PLA2G4D: variants seen among roughly 807,000 people sequenced by gnomAD.
The protein encoded by PLA2G4D is cytosolic phospholipase A2 delta.
A neutral mutation model predicts 94.4 loss-of-function variants in PLA2G4D; 80 were observed. The observed-to-expected ratio is 0.85, with a 90% CI of 0.71 to 1.02. The LOEUF is 1.02. PLA2G4D is among the 50% of genes least tolerant of loss of function. The pLI is 0.00. For synonymous variants in PLA2G4D, 438 were observed against 440.9 expected, an observed-to-expected ratio of 0.99 and a Z score of 0.08; for missense variants, 1,050 against 1,034.7, an observed-to-expected ratio of 1.01 and a Z score of -0.20.
chr15:42,082,473 C>T, intron 8 of PLA2G4D, 84 bp from the exon 9 acceptor site: 1 of 879,888 alleles, frequency 1.1e-6, no homozygotes, highest in Non-Finnish European at 1.9e-6. Context: ...CAGACAGACA[C>T]ATTCTCCCTG....
chr15:42,089,974 A>T lies in PLA2G4D; in HGVS notation c.46-2274T>A, dbSNP rs531301654. Among the ~76,000 whole-genome samples the T allele has an allele frequency of 2.6e-5, 4 of 152,316 alleles. No individual in the cohort carries two copies. The East Asian group carries it at 7.7e-4, about 29-fold the overall frequency. On this transcript the variant is annotated intron_variant, in intron 1 of 19. Coordinates refer to ENST00000290472, the MANE Select transcript of PLA2G4D (RefSeq NM_178034.4). ...GGCAGGTTATTTTCCCTAGAGAAAAATCCCGATTCTCTTCACCTCTAAGAT... is the reference window on the plus strand; with the variant it reads ...GGCAGGTTATTTTCCCTAGAGAAAATTCCCGATTCTCTTCACCTCTAAGAT...
intron 1 of PLA2G4D, 81 bp from the exon 2 acceptor site, chr15:42,087,781 C>T: frequency 1.4e-6 from 2 of 1,408,364 alleles, no homozygotes; most frequent in Non-Finnish European, 2.0e-6. Context: ...TGCCGACACC[C>T]CTCACCACTC....
chr15:42,075,082 C>A (rs1189638828), intron 13 of PLA2G4D, among the ~76,000 whole-genome samples: 1 of 152,166 alleles, frequency 6.6e-6, no homozygotes, highest in African/African-American at 2.4e-5. Flanking sequence ...CACCACCATG[C>A]CCAGCTAATT....
At chr15:42,071,712 C>A in intron 15 of PLA2G4D, 62 bp downstream of exon 15, 1 of 1,596,082 alleles carries the variant, frequency 6.3e-7, no homozygotes. Context: ...AGCTACAGGA[C>A]CCATGTCCAT....
intron 13 of PLA2G4D, among the ~76,000 whole-genome samples, chr15:42,075,083 C>T (rs1369272766): frequency 6.6e-6 from 1 of 152,082 alleles, no homozygotes. Flanking sequence ...ACCACCATGC[C>T]CAGCTAATTT....
chr15:42,070,113 G>GC lies in PLA2G4D; in HGVS notation c.2044-19dup. On this transcript the variant is annotated intron_variant, in intron 18 of 19. Transcript: ENST00000290472. ...TGCAGTGCCTGGTGGGGAGAAGGTG[G>GC]CCCGGAGAGAACCAGCCCGGCCCAG... is the stretch of plus-strand genomic sequence containing the variant. 1.3e-6 allele frequency: 2 copies of GC among 1,482,158 alleles called. No homozygotes were observed. The highest frequency in any genetic ancestry group is 1.8e-6 in the Non-Finnish European group (2 of 1,122,698). The allele number at this position is 1,482,158 out of a possible 1,614,324, so 91.8% of individuals were successfully genotyped here.
At chr15:42,085,645 T>A in intron 4 of PLA2G4D, 114 bp from the exon 5 acceptor site, 1 of 1,006,530 alleles carries the variant, frequency 9.9e-7, no homozygotes, top group Non-Finnish European at 1.5e-6. Context: ...GGGAGGCACG[T>A]TAGTACAATT....
At position 42,070,025 on chromosome 15, in the gene PLA2G4D, T is replaced by C. The variant is rs777793163; in HGVS notation, c.2114A>G (p.Gln705Arg). The change falls in exon 19 of 20, where the codon CAG becomes CGG. Residue 705 changes from glutamine (Q) to arginine (R), a missense_variant. Gln to Arg is a conservative substitution (Grantham distance 43). Transcript: ENST00000290472. ...LPFPRVEPSP[Q>R]DQHQPRECHL... The stretch of plus-strand genomic sequence containing the variant: ...GCATTCCCTTGGCTGGTGCTGGTCC[T>C]GAGGGCTGGGTTCCACCCGGGGGAA... 13 of 1,516,086 alleles carry C rather than the reference T, an allele frequency of 8.6e-6. No homozygotes were observed. The highest frequency in any genetic ancestry group is 9.7e-6 in the Non-Finnish European group (11 of 1,132,890). The allele number at this position is 1,516,086 out of a possible 1,614,324, so 93.9% of individuals were successfully genotyped here. A position where few individuals can be genotyped will look rare whatever the true frequency, so the allele number is the denominator to read the frequency against.
chr15:42,073,602 G>C (rs955803976), intron 13 of PLA2G4D, among the ~76,000 whole-genome samples: 1 of 152,186 alleles, frequency 6.6e-6, no homozygotes, highest in African/African-American at 2.4e-5. Context: ...TCTAGTTCTA[G>C]AGGCTCCCAA....
At chr15:42,075,013 T>A (rs1889890088) in intron 13 of PLA2G4D, among the ~76,000 whole-genome samples, 1 of 152,164 alleles carries the variant, frequency 6.6e-6, no homozygotes, top group Non-Finnish European at 1.5e-5. Context: ...AGCCTCAACC[T>A]CCCATGTTCA....
rs1452448509 is a variant in PLA2G4D, at chr15:42,084,840, G to C, written c.471+256C>G. 1.3e-5 allele frequency among the ~76,000 whole-genome samples: 2 copies of C among 152,148 alleles called. No homozygotes were observed. Among genetic ancestry groups the C allele is most frequent in the Non-Finnish European group, 2.9e-5 (2 of 68,028 alleles). ...ACCGCAGGTGACTAAACACCTTCCG[G>C]AAGCACCCCGAACAGCCGTGGGCCA... is the stretch of plus-strand genomic sequence containing the variant. On this transcript the variant is annotated intron_variant, in intron 6 of 19. Coordinates refer to ENST00000290472, the MANE Select transcript of PLA2G4D (RefSeq NM_178034.4). This position sits in a 1 kb window ranked among gnomAD's most constrained non-coding sequence, Gnocchi z 4.8.
chr15:42,091,533 G>A (rs905646666), intron 1 of PLA2G4D, among the ~76,000 whole-genome samples: 23 of 152,312 alleles, frequency 1.5e-4, no homozygotes, highest in Admixed American at 7.2e-4. Context: ...TAGCGGTAGC[G>A]AAAAGTGTCA....
chr15:42,091,479 C>T (rs1226342516), intron 1 of PLA2G4D, among the ~76,000 whole-genome samples: 6 of 152,322 alleles, frequency 3.9e-5, no homozygotes, highest in African/African-American at 7.2e-5. Flanking sequence ...CTAGCGGTGA[C>T]GCCAGCGTCT....
chr15:42,085,340 A>G, intron 5 of PLA2G4D, 151 bp downstream of exon 5: 2 of 1,055,148 alleles, frequency 1.9e-6, no homozygotes, highest in Non-Finnish European at 2.9e-6. Context: ...GTGTTTCCCT[A>G]AGAGAAGCCC....
At chr15:42,092,602 C>T (rs1156444027) in intron 1 of PLA2G4D, among the ~76,000 whole-genome samples, 1 of 152,152 alleles carries the variant, frequency 6.6e-6, no homozygotes, top group Non-Finnish European at 1.5e-5. Flanking sequence ...TGATGACTAA[C>T]CCGGAGGCTT....
intron 13 of PLA2G4D, among the ~76,000 whole-genome samples, chr15:42,077,019 C>T (rs148004336): frequency 2.7e-4 from 41 of 152,186 alleles, no homozygotes; most frequent in African/African-American, 9.9e-4. Flanking sequence ...ATTCAACCTA[C>T]CAAGATTGAA....
At chr15:42,070,972 C>T (rs1299885037) in intron 17 of PLA2G4D, 89 bp from the exon 18 acceptor site, 2 of 1,522,546 alleles carry the variant, frequency 1.3e-6, no homozygotes, top group South Asian at 1.2e-5. Flanking sequence ...TCCTTAAATG[C>T]CACCCAGCCC....
chr15:42,074,400 T>C (rs1013480800), intron 13 of PLA2G4D, among the ~76,000 whole-genome samples: 2 of 152,170 alleles, frequency 1.3e-5, no homozygotes, highest in East Asian at 3.8e-4. Flanking sequence ...TGTCAGCTCT[T>C]AACTCAGGAA....
chr15:42,086,399 C>T (rs1249588409), intron 3 of PLA2G4D, 55 bp from the exon 4 acceptor site: 9 of 1,587,218 alleles, frequency 5.7e-6, no homozygotes, highest in Non-Finnish European at 7.7e-6. Flanking sequence ...GAGAGTAGCT[C>T]ACCTCTGTTG....
Sources: allele counts gnomAD v4.1 joint callset (sites outside exome capture counted in the v4.1 genomes callset), GRCh38; gene constraint gnomAD v4.1.1; non-coding constraint Gnocchi (gnomAD v3.1); transcripts MANE v1.5; gene names NCBI Gene and HGNC (gene_info 2026-07-23, HGNC 2026-07-21).